The following CD1B variants were observed in gnomAD, a reference collection of about 807,000 sequenced individuals.
The protein encoded by CD1B is T-cell surface glycoprotein CD1b.
CD1B carries 43 observed loss-of-function variants against 39.8 expected under a neutral mutation model. That is an observed-to-expected ratio of 1.08 (90% CI 0.85 to 1.39). The LOEUF is 1.39. CD1B is among the 40% of genes most tolerant of loss of function. The pLI is 0.00. For synonymous variants in CD1B, 192 were observed against 152.5 expected (o/e 1.26, Z -1.91); for missense variants, 495 against 403.8 (o/e 1.23, Z -1.94).
At chr1:158,296,841 G>T in the CD1B span, among the ~76,000 whole-genome samples, 1 of 152,146 alleles carries the variant, frequency 6.6e-6, no homozygotes, top group South Asian at 2.1e-4. Context: ...CACACTGAGG[G>T]AAGAATCTCA....
the CD1B span, among the ~76,000 whole-genome samples, chr1:158,315,246 T>C: frequency 2.0e-5 from 3 of 152,188 alleles, no homozygotes; most frequent in African/African-American, 7.2e-5. Context: ...ACTTCCACAA[T>C]GGCTGAACTA....
the CD1B span, among the ~76,000 whole-genome samples, chr1:158,302,601 G>A: frequency 2.0e-5 from 3 of 151,956 alleles, no homozygotes; most frequent in South Asian, 2.1e-4. Flanking sequence ...TGACAAAGGG[G>A]GCATTGCCAC....
In CD1B at chr1:158,328,277, A is replaced by G. The variant is rs578172648; in HGVS notation, c.981-20T>C. 5 of 1,604,382 alleles carry G rather than the reference A, an allele frequency of 3.1e-6. No homozygotes were observed. The African/African-American group carries it at 4.0e-5, about 13-fold the overall frequency. On this transcript the variant is annotated intron_variant, in intron 5 of 5. Transcript: ENST00000368168. ...TATGACCTGTTAAAAACAGAAGAACAAAAGAGCTCCACATAAAAGATGTTT... is the reference window on the plus strand; with the variant it reads ...TATGACCTGTTAAAAACAGAAGAACGAAAGAGCTCCACATAAAAGATGTTT...
At position 158,330,816 on chromosome 1, in the gene CD1B, G is replaced by T; in HGVS notation, c.308C>A (p.Ala103Asp). ...FGFAREVQDF[A>D]GDFQMKYPFE... ...CTCACATTTCATCTGGAAATCACCGGCAAAGTCTTGTACTTCTCGAGCGAA... is the reference window on the plus strand; with the variant it reads ...CTCACATTTCATCTGGAAATCACCGTCAAAGTCTTGTACTTCTCGAGCGAA... The change falls in exon 2 of 6, where the codon GCC (alanine) becomes GAC (aspartate). Residue 103 changes from alanine (A) to aspartate (D), a missense_variant. Physicochemically the swap from Ala to Asp is moderately radical, Grantham distance 126 (BLOSUM62 -2). Coordinates refer to ENST00000368168, the MANE Select transcript of CD1B (RefSeq NM_001764.3). 1.9e-6 allele frequency: 3 copies of T among 1,614,100 alleles called. No individual in the cohort carries two copies. The African/African-American group carries it at 4.0e-5, about 22-fold the overall frequency.
At position 158,331,395 on chromosome 1, in the gene CD1B, G is replaced by T. The variant is rs1021805831; in HGVS notation, c.29C>A (p.Ala10Asp). 9.9e-6 allele frequency: 16 copies of T among 1,613,906 alleles called. No homozygotes were observed. Among genetic ancestry groups the T allele is most frequent in the Non-Finnish European group, 1.3e-5 (15 of 1,179,928 alleles). Reference protein sequence around the residue: MLLLPFQLLAVLFPGGNSEH... With the variant: MLLLPFQLLDVLFPGGNSEH... The stretch of plus-strand genomic sequence containing the variant: ...ACTGTTACCACCAGGAAAGAGAACA[G>T]CTAACAGTTGAAATGGCAGCAGCAG... The change falls in exon 1 of 6, where the codon GCT (alanine) becomes GAT (aspartate). Residue 10 changes from alanine to aspartate, a missense_variant. By Grantham distance (126) the Ala-to-Asp change is moderately radical. Coordinates refer to ENST00000368168, the MANE Select transcript of CD1B (RefSeq NM_001764.3).
chr1:158,329,010 G>A lies in CD1B; in HGVS notation c.891C>T (p.Asn297=), dbSNP rs766757692. 9 of 1,612,282 alleles carry A rather than the reference G, an allele frequency of 5.6e-6. No individual in the cohort carries two copies. The highest frequency in any genetic ancestry group is 3.4e-5 in the Admixed American group (2 of 59,696). ...EGQDIILYWR[N]PTSIGSIVLA... ...AAACAATTGAGCCAATGGAGGTGGG[G>A]TTTCCTGGCAATTGAGAGAGGACAA... The change falls in exon 5 of 6, where the codon AAC becomes AAT. Residue 297 remains asparagine (N), a synonymous_variant. Transcript: ENST00000368168.
At chr1:158,317,661 CT>C in the CD1B span, among the ~76,000 whole-genome samples, 1 of 152,012 alleles carries the variant, frequency 6.6e-6, no homozygotes, top group Non-Finnish European at 1.5e-5. Context: ...TCTCTATTTC[CT>C]TCAGTTCTGC....
chr1:158,303,389 C>T, the CD1B span, among the ~76,000 whole-genome samples: 1 of 152,216 alleles, frequency 6.6e-6, no homozygotes, highest in Admixed American at 6.5e-5. Flanking sequence ...GATGTCCACT[C>T]TTACCACTGC....
the CD1B span, among the ~76,000 whole-genome samples, chr1:158,319,176 T>C: frequency 1.5e-4 from 23 of 151,356 alleles, no homozygotes; most frequent in African/African-American, 4.9e-4. Context: ...ATCTTTGTGG[T>C]GTTCTCTGTA....
chr1:158,320,647 C>A, the CD1B span, among the ~76,000 whole-genome samples: 1 of 152,296 alleles, frequency 6.6e-6, no homozygotes, highest in Admixed American at 6.5e-5. Context: ...GAGCTGTAGA[C>A]CGGAGCTCTT....
At chr1:158,295,242 C>A in the CD1B span, among the ~76,000 whole-genome samples, 2 of 151,834 alleles carry the variant, frequency 1.3e-5, no homozygotes, top group African/African-American at 4.8e-5. Flanking sequence ...GGAAAGAAGG[C>A]ATTGAGAGTG....
chr1:158,290,296 G>A, the CD1B span, among the ~76,000 whole-genome samples: 1 of 152,122 alleles, frequency 6.6e-6, no homozygotes, highest in Non-Finnish European at 1.5e-5. Context: ...TCTGTGTAAG[G>A]AAAATGTTAT....
chr1:158,316,361 G>C, the CD1B span, among the ~76,000 whole-genome samples: 1 of 151,780 alleles, frequency 6.6e-6, no homozygotes, highest in African/African-American at 2.4e-5. Context: ...TCTCCTTGAA[G>C]AGGTCCTTCA....
At position 158,329,429 on chromosome 1, in the gene CD1B, C is replaced by A. The variant is rs748373854; in HGVS notation, c.827G>T (p.Gly276Val). The A allele has an allele frequency of 3.7e-6, 6 of 1,614,054 alleles. No individual in the cohort carries two copies. In the African/African-American group the frequency reaches 4.0e-5, roughly 11 times the overall value. ...TLDVADGEAAGLSCRVKHSSL... is the reference protein window; with the variant it reads ...TLDVADGEAAVLSCRVKHSSL... Reference sequence around the variant, plus strand: ...GCTGTGCTTCACCCGACAGGACAGGCCAGCCGCCTCCCCATCTGCCACATC... The same window carrying A: ...GCTGTGCTTCACCCGACAGGACAGGACAGCCGCCTCCCCATCTGCCACATC... Residue 276 changes from glycine (G) to valine (V), a missense_variant, in exon 4 of 6, where the codon GGC becomes GTC. Gly to Val is a moderately radical substitution (Grantham distance 109). Coordinates refer to ENST00000368168, the MANE Select transcript of CD1B (RefSeq NM_001764.3).
chr1:158,289,378 A>G, the CD1B span, among the ~76,000 whole-genome samples: 1 of 152,202 alleles, frequency 6.6e-6, no homozygotes, highest in African/African-American at 2.4e-5. Context: ...TTATGGTCCT[A>G]TGCATTCTGA....
chr1:158,303,295 G>A, the CD1B span, among the ~76,000 whole-genome samples: 3 of 152,058 alleles, frequency 2.0e-5, no homozygotes, highest in Non-Finnish European at 2.9e-5. Flanking sequence ...ACAATTAGAG[G>A]CATCTATGAC....
chr1:158,312,599 C>G, the CD1B span, among the ~76,000 whole-genome samples: 1 of 151,682 alleles, frequency 6.6e-6, no homozygotes, highest in African/African-American at 2.4e-5. Context: ...TCTTAAGTAT[C>G]TTATATTTTG....
At chr1:158,316,387 G>T in the CD1B span, among the ~76,000 whole-genome samples, 2 of 151,696 alleles carry the variant, frequency 1.3e-5, no homozygotes, top group Non-Finnish European at 2.9e-5. Context: ...CTTGTAAGTT[G>T]GATTCCTAGG....
the CD1B span, among the ~76,000 whole-genome samples, chr1:158,315,559 C>T: frequency 6.6e-6 from 1 of 151,126 alleles, no homozygotes; most frequent in Non-Finnish European, 1.5e-5. Flanking sequence ...CGATATTAGC[C>T]CTTTGTCAGA....
Sources: allele counts gnomAD v4.1 joint callset (sites outside exome capture counted in the v4.1 genomes callset), GRCh38; gene constraint gnomAD v4.1.1; transcripts MANE v1.5; gene names NCBI Gene and HGNC (gene_info 2026-07-23, HGNC 2026-07-21).